The following ASCC3 variants were observed in gnomAD, a reference collection of about 807,000 sequenced individuals.
ASCC3 encodes activating signal cointegrator 1 complex subunit 3.
In ASCC3, 158 loss-of-function variants were observed where a neutral mutation model predicts 256.3. The observed-to-expected ratio is 0.62, with a 90% CI of 0.54 to 0.70. The LOEUF (loss-of-function observed/expected upper bound fraction) is 0.70. Among genes scored for constraint, ASCC3 ranks in the 30% least tolerant of loss-of-function variants. The pLI, the probability that ASCC3 is intolerant of heterozygous loss-of-function variation, is 0.00. For synonymous variants in ASCC3, 948 were observed against 883.4 expected (o/e 1.07, Z -1.30); for missense variants, 2,259 against 2,626.0 (o/e 0.86, Z 3.05).
chr6:100,630,373 T>C (rs1046958354), intron 26 of ASCC3, among the ~76,000 whole-genome samples: 4 of 152,094 alleles, frequency 2.6e-5, no homozygotes, highest in Admixed American at 6.5e-5. Context: ...ATGGTCTCCA[T>C]AACATCCCTA....
chr6:100,781,231 A>T (rs1428311028), intron 8 of ASCC3, among the ~76,000 whole-genome samples: 1 of 152,194 alleles, frequency 6.6e-6, no homozygotes, highest in Non-Finnish European at 1.5e-5. Context: ...TGTTCTACTC[A>T]CATTATTTAT....
chr6:100,628,407 A>G (rs570759993), intron 27 of ASCC3, among the ~76,000 whole-genome samples: 1 of 152,116 alleles, frequency 6.6e-6, no homozygotes, highest in Non-Finnish European at 1.5e-5. Context: ...AAAATTGCTA[A>G]TTGCATGTTT....
At chr6:100,775,362 A>G (rs889533007) in intron 8 of ASCC3, among the ~76,000 whole-genome samples, 4 of 152,126 alleles carry the variant, frequency 2.6e-5, no homozygotes, top group Non-Finnish European at 2.9e-5. Flanking sequence ...AAACATCTCT[A>G]AAAGATATTT....
At chr6:100,610,236 A>G (rs1186659562) in intron 30 of ASCC3, among the ~76,000 whole-genome samples, 1 of 152,150 alleles carries the variant, frequency 6.6e-6, no homozygotes, top group Non-Finnish European at 1.5e-5. Flanking sequence ...TCTATTAGCA[A>G]CCTCTAATAT....
chr6:100,797,460 CAAA>C (rs10550455), intron 8 of ASCC3, among the ~76,000 whole-genome samples: 7 of 86,016 alleles, frequency 8.1e-5, no homozygotes, highest in South Asian at 4.1e-4. Flanking sequence ...AACTCGTTCT[CAAA>C]AAAAAAAAAA....
chr6:100,573,853 G>A (rs868171275), intron 36 of ASCC3, among the ~76,000 whole-genome samples: 2 of 152,050 alleles, frequency 1.3e-5, no homozygotes, highest in Non-Finnish European at 2.9e-5. Flanking sequence ...ACCCAATAAA[G>A]ATTGCGTTTG....
chr6:100,539,180 T>C (rs1775315887), intron 37 of ASCC3, among the ~76,000 whole-genome samples: 1 of 152,320 alleles, frequency 6.6e-6, no homozygotes, highest in East Asian at 1.9e-4. Context: ...CATCATTTAT[T>C]GTCTAGCACT....
intron 8 of ASCC3, among the ~76,000 whole-genome samples, chr6:100,779,247 A>G (rs1009374620): frequency 6.6e-6 from 1 of 152,148 alleles, no homozygotes; most frequent in Non-Finnish European, 1.5e-5. Context: ...AAGTGAAAAA[A>G]ATACAAAATT....
chr6:100,531,111 C>T, intron 37 of ASCC3: 1 of 1,077,206 alleles, frequency 9.3e-7, no homozygotes, highest in Middle Eastern at 3.0e-4. Flanking sequence ...CAGAAAATTG[C>T]ACAATTTCTG....
chr6:100,809,319 G>A (rs1399151627), intron 4 of ASCC3, among the ~76,000 whole-genome samples: 2 of 151,886 alleles, frequency 1.3e-5, no homozygotes, highest in African/African-American at 4.8e-5. Flanking sequence ...CAAAAATATT[G>A]TCTGTCTTTA....
intron 13 of ASCC3, among the ~76,000 whole-genome samples, chr6:100,710,126 A>T (rs1177257729): frequency 6.6e-6 from 1 of 152,206 alleles, no homozygotes; most frequent in Non-Finnish European, 1.5e-5. Context: ...ACGATCTCAG[A>T]TCCAAAAGTT....
intron 37 of ASCC3, chr6:100,530,479 T>C (rs770146569): frequency 2.6e-5 from 21 of 792,556 alleles, no homozygotes; most frequent in Admixed American, 6.9e-5. Context: ...TTAGAACAAC[T>C]GTACAATAGA....
intron 1 of ASCC3, among the ~76,000 whole-genome samples, chr6:100,872,262 C>T (rs575903590): frequency 3.9e-5 from 6 of 152,252 alleles, no homozygotes; most frequent in Non-Finnish European, 8.8e-5. Flanking sequence ...TGTCCTGAAT[C>T]CTCTGTGCCT....
chr6:100,807,647 T>C (rs1770256252), intron 4 of ASCC3, among the ~76,000 whole-genome samples: 1 of 151,932 alleles, frequency 6.6e-6, no homozygotes, highest in Admixed American at 6.6e-5. Flanking sequence ...ATGATTGTAT[T>C]CTTCACTGTC....
intron 1 of ASCC3, among the ~76,000 whole-genome samples, chr6:100,878,234 C>T (rs956084153): frequency 2.0e-5 from 3 of 152,216 alleles, no homozygotes; most frequent in East Asian, 1.9e-4. Context: ...AAACACTTTT[C>T]ACACAATACA....
At chr6:100,569,370 C>A (rs73500956) in intron 36 of ASCC3, among the ~76,000 whole-genome samples, 7 of 151,768 alleles carry the variant, frequency 4.6e-5, no homozygotes, top group African/African-American at 1.7e-4. Context: ...GTTACTGTAA[C>A]CTTTTTTTAT....
chr6:100,880,307 T>C (rs745829147), intron 1 of ASCC3, among the ~76,000 whole-genome samples: 1 of 152,166 alleles, frequency 6.6e-6, no homozygotes, highest in Non-Finnish European at 1.5e-5. Flanking sequence ...TTTCAATCTA[T>C]GAAACATAAA....
At position 100,631,159 on chromosome 6, in the gene ASCC3, T is replaced by A. The variant is rs1266927407; in HGVS notation, c.4177A>T (p.Lys1393Ter). Residue 1393 changes from lysine to a stop codon, truncating the protein, a stop_gained, in exon 26 of 42, where the codon AAA becomes TAA. Transcript: ENST00000369162. LOFTEE classifies it high-confidence loss of function. ...CCAAGTTTTTCTTCTATTCTAACTTTCCAATCATCCATTCTTTCACGTACT... is the reference window on the plus strand; with the variant it reads ...CCAAGTTTTTCTTCTATTCTAACTTACCAATCATCCATTCTTTCACGTACT... ...ALVRERMDDWKVRIEEKLGKK... is the reference protein window; with the variant it reads ...ALVRERMDDW 6.2e-7 allele frequency: 1 copy of A among 1,612,584 alleles called. No homozygotes were observed. Among genetic ancestry groups the A allele is most frequent in the Non-Finnish European group, 8.5e-7 (1 of 1,179,062 alleles).
At chr6:100,719,526 C>T (rs557599682) in intron 11 of ASCC3, among the ~76,000 whole-genome samples, 8 of 152,130 alleles carry the variant, frequency 5.3e-5, no homozygotes, top group African/African-American at 1.9e-4. Flanking sequence ...CTCTGGCAAA[C>T]ACCAGACATT....
Sources: allele counts gnomAD v4.1 joint callset (sites outside exome capture counted in the v4.1 genomes callset), GRCh38; gene constraint gnomAD v4.1.1; transcripts MANE v1.5; gene names NCBI Gene and HGNC (gene_info 2026-07-23, HGNC 2026-07-21).